UMODL1: variants seen among roughly 807,000 people sequenced by gnomAD.
UMODL1 encodes the protein uromodulin-like 1.
A neutral mutation model predicts 136.3 loss-of-function variants in UMODL1; 128 were observed. The ratio of observed to expected loss-of-function variants is 0.94; its 90% CI spans 0.81 to 1.09. The LOEUF (loss-of-function observed/expected upper bound fraction) is 1.09, where lower values mean the gene tolerates loss of function less well. UMODL1 is among the 50% of genes least tolerant of loss of function. UMODL1 has a pLI of 0.00. For synonymous variants in UMODL1, 721 were observed against 720.0 expected, an observed-to-expected ratio of 1.00 and a Z score of -0.02; for missense variants, 1,766 against 1,725.6, an observed-to-expected ratio of 1.02 and a Z score of -0.41.
intron 9 of UMODL1, among the ~76,000 whole-genome samples, chr21:42,104,820 T>C (rs534549906): frequency 3.3e-5 from 5 of 152,176 alleles, no homozygotes; most frequent in Non-Finnish European, 7.3e-5. Context: ...CAGGAGGTCA[T>C]GGACACAGGA....
At chr21:42,104,742 G>T (rs748545250) in intron 9 of UMODL1, among the ~76,000 whole-genome samples, 1 of 152,152 alleles carries the variant, frequency 6.6e-6, no homozygotes, top group Admixed American at 6.5e-5. Flanking sequence ...GAGCCACCGC[G>T]CCCGGCCTCT....
intron 1 of UMODL1, among the ~76,000 whole-genome samples, chr21:42,072,588 C>T (rs774795375): frequency 3.9e-5 from 6 of 152,290 alleles, no homozygotes; most frequent in South Asian, 2.1e-4. Flanking sequence ...CACACGTGGT[C>T]GCCCCGAATT....
In UMODL1 at chr21:42,137,535, T is replaced by C. The variant is rs2067222140; in HGVS notation, c.3872T>C (p.Leu1291Pro). 2 of 1,614,262 alleles carry C rather than the reference T, an allele frequency of 1.2e-6. No homozygotes were observed. Among genetic ancestry groups the C allele is most frequent in the African/African-American group, 2.7e-5 (2 of 75,068 alleles). Residue 1291 changes from leucine (L) to proline (P), a missense_variant, in exon 22 of 23, where the codon CTG becomes CCG. Coordinates refer to ENST00000408910, the MANE Select transcript of UMODL1 (RefSeq NM_001004416.3). ...CTGGTGGCGGGAACAGCCACCCTTC[T>C]GATCGTGCGCTACCAGAGAATGAAT... Reference protein sequence around the residue: ...FVLVAGTATLLIVRYQRMNGR... With the variant: ...FVLVAGTATLPIVRYQRMNGR...
At chr21:42,133,557 C>G (rs937279673) in intron 21 of UMODL1, among the ~76,000 whole-genome samples, 7 of 152,218 alleles carry the variant, frequency 4.6e-5, no homozygotes, top group African/African-American at 1.7e-4. Flanking sequence ...GCTTGAACAA[C>G]AGAAATCTGT....
rs112450832 is a variant in UMODL1, at chr21:42,099,254, G to A, written c.1186+74G>A. The A allele has an allele frequency of 0.037, 56,887 of 1,555,394 alleles. 1,219 individuals are homozygous for A. The highest frequency in any genetic ancestry group is 0.066 in the Middle Eastern group (275 of 4,180). ...TATCCCAGGTCTGTGGCCCTAGCAT[G>A]TCGCGTTCTTCTTCCTATAACCAGG... is the stretch of plus-strand genomic sequence containing the variant. On this transcript the variant is annotated intron_variant, in intron 7 of 22. Transcript: ENST00000408910. The surrounding 1 kb of genome is among the most constrained non-coding windows in gnomAD (Gnocchi z 4.1).
intron 10 of UMODL1, among the ~76,000 whole-genome samples, chr21:42,109,987 G>A (rs1053965869): frequency 1.3e-5 from 2 of 152,174 alleles, no homozygotes; most frequent in African/African-American, 4.8e-5. Context: ...GGGTGCAGGG[G>A]TCCATGAAGG....
At chr21:42,084,907 T>C (rs1306766836) in intron 3 of UMODL1, among the ~76,000 whole-genome samples, 1 of 151,740 alleles carries the variant, frequency 6.6e-6, no homozygotes, top group Non-Finnish European at 1.5e-5. Flanking sequence ...CTATCCAATA[T>C]TTGTAGTATC....
At chr21:42,080,532 C>T (rs558812009) in intron 2 of UMODL1, among the ~76,000 whole-genome samples, 4 of 152,324 alleles carry the variant, frequency 2.6e-5, no homozygotes, top group South Asian at 2.1e-4. Flanking sequence ...TGGACACACA[C>T]GTGATATGAC....
At chr21:42,075,855 G>A in intron 1 of UMODL1, 150 bp from the exon 2 acceptor site, 1 of 1,131,780 alleles carries the variant, frequency 8.8e-7, no homozygotes, top group South Asian at 1.4e-5. Flanking sequence ...AAAGGCCAGT[G>A]GAGAGGGCTG....
chr21:42,137,787 G>A (rs1180702250), intron 22 of UMODL1, 146 bp downstream of exon 22: 4 of 1,019,134 alleles, frequency 3.9e-6, no homozygotes, highest in East Asian at 2.6e-5. Flanking sequence ...TGGGGTAGGA[G>A]GTGCAGGCTG....
chr21:42,103,981 G>C lies in UMODL1; in HGVS notation c.1413G>C (p.Val471=), dbSNP rs181167667. 3.1e-6 allele frequency: 5 copies of C among 1,614,066 alleles called. No homozygotes were observed. In the Admixed American group the frequency reaches 8.3e-5, roughly 27 times the overall value. Residue 471 remains valine, a synonymous_variant, in exon 9 of 23, where the codon GTG becomes GTC. Transcript: ENST00000408910. ...GSVVVRLKLT[V]QDPGFPMGIS... The stretch of plus-strand genomic sequence containing the variant: ...TGGTCGTGAGGCTCAAGCTCACCGT[G>C]CAGGACCCCGGGTTTCCCATGGGCA...
rs767367339 is a variant in UMODL1, at chr21:42,090,451, C to T, written c.931+13C>T. The T allele has an allele frequency of 1.9e-6, 3 of 1,613,198 alleles. No individual in the cohort carries two copies. In the East Asian group the frequency reaches 6.7e-5, roughly 36 times the overall value. On this transcript the variant is annotated intron_variant, in intron 6 of 22. Coordinates refer to ENST00000408910, the MANE Select transcript of UMODL1 (RefSeq NM_001004416.3). ...CTGGAGTGGGAAGGTAATGGCTAGGCTCTCTCAGATGGCATGGGAATGGCT... is the reference window on the plus strand; with the variant it reads ...CTGGAGTGGGAAGGTAATGGCTAGGTTCTCTCAGATGGCATGGGAATGGCT...
In UMODL1 at chr21:42,122,277, G is replaced by T. The variant is rs1046517563; in HGVS notation, c.2828-554G>T. On this transcript the variant is annotated intron_variant, in intron 16 of 22. Transcript: ENST00000408910. This position sits in a 1 kb window ranked among gnomAD's most constrained non-coding sequence, Gnocchi z 4.3. ...GGTGGGTGGATTGGAAAGCTTTCCG[G>T]GCCCCTTGTTCTCCTAGGCATTGAA... Among the ~76,000 whole-genome samples, 3 of 152,106 alleles carry T rather than the reference G, an allele frequency of 2.0e-5. No individual in the cohort carries two copies. Among genetic ancestry groups the T allele is most frequent in the African/African-American group, 7.2e-5 (3 of 41,416 alleles).
chr21:42,069,531 G>A (rs764009063), upstream of UMODL1, among the ~76,000 whole-genome samples: 14 of 152,088 alleles, frequency 9.2e-5, no homozygotes, highest in African/African-American at 3.1e-4. Flanking sequence ...GAAGAACTGC[G>A]GCTTGAGGCT....
At position 42,085,559 on chromosome 21, in the gene UMODL1, T is replaced by C; in HGVS notation, c.603+147T>C. On this transcript the variant is annotated intron_variant, in intron 4 of 22. Transcript: ENST00000408910. This position sits in a 1 kb window ranked among gnomAD's most constrained non-coding sequence, Gnocchi z 4.5. ...AAATGACTGACTCTGAACGAAATTCTAGTTCTTAAAAAATCAGCTTCAAAG... is the reference window on the plus strand; with the variant it reads ...AAATGACTGACTCTGAACGAAATTCCAGTTCTTAAAAAATCAGCTTCAAAG... 8.0e-7 allele frequency: 1 copy of C among 1,256,850 alleles called. No homozygotes were observed. Among genetic ancestry groups the C allele is most frequent in the Non-Finnish European group, 1.1e-6 (1 of 902,238 alleles). The allele number at this position is 1,256,850 out of a possible 1,614,324, so 77.9% of individuals were successfully genotyped here. A position where few individuals can be genotyped will look rare whatever the true frequency, so the allele number is the denominator to read the frequency against.
chr21:42,112,777 C>T (rs1312370705), intron 12 of UMODL1, among the ~76,000 whole-genome samples: 2 of 147,614 alleles, frequency 1.4e-5, no homozygotes, highest in Admixed American at 6.8e-5. Context: ...TTCCGTACCC[C>T]CAGTTGTTTT....
In UMODL1 at chr21:42,119,099, C is replaced by A; in HGVS notation, c.2476-12C>A. 6.2e-7 allele frequency: 1 copy of A among 1,611,012 alleles called. No homozygotes were observed. Reference sequence around the variant, plus strand: ...GCGTGGGGACCTCCTCACATGGCCTCTTTCCCCGCAGGTGCGGGGCTCCCT... The same window carrying A: ...GCGTGGGGACCTCCTCACATGGCCTATTTCCCCGCAGGTGCGGGGCTCCCT... On this transcript the variant is annotated splice_polypyrimidine_tract_variant and intron_variant, in intron 14 of 22. Transcript: ENST00000408910.
Position 42,127,751 on chromosome 21 carries a change from T to G in UMODL1, c.3610T>G (p.Ser1204Ala). The G allele has an allele frequency of 6.2e-7, 1 of 1,614,208 alleles. No individual in the cohort carries two copies. Among genetic ancestry groups the G allele is most frequent in the Non-Finnish European group, 8.5e-7 (1 of 1,180,032 alleles). ...NKAQFKLRIF[S>A]FINDSIVYLH... is the part of the protein sequence containing the mutation. The stretch of plus-strand genomic sequence containing the variant: ...GGCCCAGTTCAAGCTGAGGATCTTT[T>G]CCTTTATCAACGACTCCATCGTCTA... Residue 1204 changes from serine to alanine, a missense_variant, in exon 20 of 23, where the codon TCC becomes GCC. By Grantham distance (99) the Ser-to-Ala change is moderately conservative (BLOSUM62 1). Transcript: ENST00000408910.
upstream of UMODL1, among the ~76,000 whole-genome samples, chr21:42,068,238 G>A (rs923415611): frequency 6.6e-6 from 1 of 152,220 alleles, no homozygotes; most frequent in Non-Finnish European, 1.5e-5. This position sits in a 1 kb window ranked among gnomAD's most constrained non-coding sequence, Gnocchi z 5.5. Context: ...AGGAGGACAC[G>A]GTCCCGTCCT....
Sources: gnomAD v4.1 joint callset for allele counts (sites outside exome capture counted in the v4.1 genomes callset) on GRCh38, gnomAD v4.1.1 for gene constraint, Gnocchi (gnomAD v3.1) non-coding constraint, MANE v1.5 for transcripts, NCBI Gene and HGNC (gene_info 2026-07-23, HGNC 2026-07-21) for gene names.